The following NIBAN1 variants were observed in gnomAD, a reference collection of about 807,000 sequenced individuals.
NIBAN1 encodes niban apoptosis regulator 1.
Under a neutral mutation model 75.1 loss-of-function variants are expected in NIBAN1, and 81 were observed. The ratio of observed to expected loss-of-function variants is 1.08; its 90% confidence interval spans 0.90 to 1.30. The LOEUF (loss-of-function observed/expected upper bound fraction) is 1.30, where lower values mean the gene tolerates loss of function less well. Ranked by LOEUF, NIBAN1 falls within the 50% of genes most tolerant of loss-of-function variation. NIBAN1 has a pLI of 0.00. For missense variants in NIBAN1, 1,133 were observed against 1,128.1 expected (o/e 1.00, Z -0.06); for synonymous variants, 436 against 424.8 (o/e 1.03, Z -0.32).
intron 8 of NIBAN1, among the ~76,000 whole-genome samples, chr1:184,822,671 G>T (rs995391184): frequency 4.6e-5 from 7 of 152,204 alleles, no homozygotes; most frequent in African/African-American, 1.7e-4. Flanking sequence ...TATTGGGTTT[G>T]TAGGGTGACT....
At chr1:184,858,568 G>C (rs908715060) in intron 5 of NIBAN1, among the ~76,000 whole-genome samples, 2 of 152,080 alleles carry the variant, frequency 1.3e-5, no homozygotes, top group African/African-American at 4.8e-5. Context: ...GATTGGCAGG[G>C]CTGCTGGAAA....
At chr1:184,965,947 G>GCCGGGCGTGGTAGCGGGCGC (rs1658774411) in intron 1 of NIBAN1, among the ~76,000 whole-genome samples, 1 of 152,192 alleles carries the variant, frequency 6.6e-6, no homozygotes, top group African/African-American at 2.4e-5. Context: ...ATATCAAACA[G>GCCGGGCGTGGTAGCGGGCGC]CTCAAGTCTT....
chr1:184,881,100 T>C (rs568581545), intron 5 of NIBAN1, among the ~76,000 whole-genome samples: 1 of 144,052 alleles, frequency 6.9e-6, no homozygotes, highest in South Asian at 2.1e-4. Context: ...CATGTGAGCA[T>C]GCACACACAC....
chr1:184,867,486 A>C (rs1046222801), intron 5 of NIBAN1, among the ~76,000 whole-genome samples: 6 of 152,188 alleles, frequency 3.9e-5, no homozygotes, highest in Non-Finnish European at 8.8e-5. Flanking sequence ...TAAAGCCTGG[A>C]GAAGAAAAAA....
At chr1:184,964,517 G>A (rs1658728878) in intron 1 of NIBAN1, among the ~76,000 whole-genome samples, 1 of 152,198 alleles carries the variant, frequency 6.6e-6, no homozygotes, top group Non-Finnish European at 1.5e-5. Context: ...GATGACTTTG[G>A]CCAGGTTCTC....
chr1:184,942,492 G>A (rs1228011929), intron 1 of NIBAN1, among the ~76,000 whole-genome samples: 1 of 152,182 alleles, frequency 6.6e-6, no homozygotes, highest in Non-Finnish European at 1.5e-5. Flanking sequence ...AGGAGATCGA[G>A]ACCATCCTGG....
chr1:184,796,852 AACAG>A (rs1653887349), intron 13 of NIBAN1, among the ~76,000 whole-genome samples: 1 of 152,256 alleles, frequency 6.6e-6, no homozygotes, highest in Non-Finnish European at 1.5e-5. Flanking sequence ...ACAATTTTCT[AACAG>A]ACAGCAATAA....
rs768473468 is a variant in NIBAN1 at position 184,823,706 on chromosome 1, TG to T, written c.753del (p.Thr252LeufsTer10). 4.3e-6 allele frequency: 7 copies of T among 1,614,002 alleles called. No homozygotes were observed. Among genetic ancestry groups the T allele is most frequent in the Non-Finnish European group, 5.9e-6 (7 of 1,179,984 alleles). On this transcript the variant is annotated frameshift_variant, in exon 7 of 14. Coordinates refer to ENST00000367511, the MANE Select transcript of NIBAN1 (RefSeq NM_052966.4). LOFTEE classifies it high-confidence loss of function. Reference sequence around the variant, plus strand: ...TTAGGCAGCAGGTCTGTCTGAAGAGTGGGCAGGAGCTCCTCCATCACCAGGT... The same window carrying T: ...TTAGGCAGCAGGTCTGTCTGAAGAGTGGCAGGAGCTCCTCCATCACCAGGT... ...LSNLVMEELL[P>X]TLQTDLLPKM...
chr1:184,955,579 T>C (rs1658468379), intron 1 of NIBAN1, among the ~76,000 whole-genome samples: 2 of 152,030 alleles, frequency 1.3e-5, no homozygotes, highest in Non-Finnish European at 2.9e-5. Flanking sequence ...CCTCGTGATC[T>C]GCCTGCCTCA....
intron 10 of NIBAN1, 40 bp downstream of exon 10, chr1:184,808,034 C>CTT (rs1381744694): frequency 5.0e-6 from 8 of 1,611,470 alleles, no homozygotes; most frequent in Non-Finnish European, 5.9e-6. Context: ...TCTGCTCTCT[C>CTT]TTTACCCTCA....
rs373270405 is a variant in NIBAN1, at chr1:184,808,225, C to A, written c.1184G>T (p.Arg395Leu). Reference sequence around the variant, plus strand: ...GGAATGCAGCGGAAGATTCATAAGCCGGTCTAGATGCTGCATTTTGGTGAA... The same window carrying A: ...GGAATGCAGCGGAAGATTCATAAGCAGGTCTAGATGCTGCATTTTGGTGAA... ...DSVQLKEHLDRLMNLPLHSVK... is the reference protein window; with the variant it reads ...DSVQLKEHLDLLMNLPLHSVK... The change falls in exon 10 of 14, where the codon CGG (arginine) becomes CTG (leucine). Residue 395 changes from arginine to leucine, a missense_variant. Transcript: ENST00000367511. The A allele has an allele frequency of 6.2e-7, 1 of 1,613,808 alleles. No homozygotes were observed.
rs143846067 is a variant in NIBAN1 at position 184,893,909 on chromosome 1, T to C, written c.318+166A>G. ...ATCAGTATCTGTTAGCTGAAATAGATACCTACATGAATGAGTGCTTATTGA... is the reference window on the plus strand; with the variant it reads ...ATCAGTATCTGTTAGCTGAAATAGACACCTACATGAATGAGTGCTTATTGA... On this transcript the variant is annotated intron_variant, in intron 3 of 13. Transcript: ENST00000367511. Among the ~76,000 whole-genome samples, 13 of 152,360 alleles carry C rather than the reference T, an allele frequency of 8.5e-5. No homozygotes were observed. In the East Asian group the frequency reaches 2.1e-3, roughly 25 times the overall value.
chr1:184,859,773 G>A (rs940612548), intron 5 of NIBAN1, among the ~76,000 whole-genome samples: 3 of 152,126 alleles, frequency 2.0e-5, no homozygotes, highest in Admixed American at 2.0e-4. Context: ...CCAGATTACT[G>A]TGAGTGACTG....
chr1:184,906,047 G>A (rs1478195292), intron 1 of NIBAN1, among the ~76,000 whole-genome samples: 1 of 151,466 alleles, frequency 6.6e-6, no homozygotes, highest in African/African-American at 2.4e-5. Context: ...AAACTAGCCT[G>A]GACAACATAG....
chr1:184,941,671 A>G (rs906415354), intron 1 of NIBAN1, among the ~76,000 whole-genome samples: 2 of 151,446 alleles, frequency 1.3e-5, no homozygotes, highest in Admixed American at 6.6e-5. Flanking sequence ...AAAAAAAAAA[A>G]CCTGGGAAAG....
intron 13 of NIBAN1, among the ~76,000 whole-genome samples, chr1:184,797,107 G>C (rs1157372985): frequency 6.7e-6 from 1 of 149,932 alleles, no homozygotes; most frequent in Non-Finnish European, 1.5e-5. Context: ...ATATGTTTCA[G>C]GTCCACAGTT....
At chr1:184,864,346 G>A (rs1187785830) in intron 5 of NIBAN1, among the ~76,000 whole-genome samples, 2 of 150,522 alleles carry the variant, frequency 1.3e-5, no homozygotes, top group Non-Finnish European at 3.0e-5. Context: ...AAACTATAAC[G>A]TACAAACCAT....
chr1:184,840,956 A>T (rs1227009024), intron 5 of NIBAN1, among the ~76,000 whole-genome samples: 2 of 147,972 alleles, frequency 1.4e-5, no homozygotes, highest in Admixed American at 6.8e-5. Context: ...AAAGAGTGTG[A>T]GTGTGTGTGT....
intron 4 of NIBAN1, among the ~76,000 whole-genome samples, chr1:184,886,505 C>T (rs1308836836): frequency 2.6e-5 from 4 of 152,158 alleles, no homozygotes; most frequent in African/African-American, 9.7e-5. Flanking sequence ...AAGCCCTAGA[C>T]AATGGGACTT....
Sources: gnomAD v4.1 joint callset for allele counts (sites outside exome capture counted in the v4.1 genomes callset) on GRCh38, gnomAD v4.1.1 for gene constraint, MANE v1.5 for transcripts, NCBI Gene and HGNC (gene_info 2026-07-23, HGNC 2026-07-21) for gene names.